Variants in TFAP2D observed in about 807,000 individuals in gnomAD.
TFAP2D encodes transcription factor AP-2-delta.
Under a neutral mutation model 43.6 loss-of-function variants are expected in TFAP2D, and 9 were observed. The observed-to-expected ratio is 0.21, with a 90% CI of 0.12 to 0.36. The LOEUF is 0.36. TFAP2D is among the 10% of genes least tolerant of loss of function. TFAP2D has a pLI of 1.00. For missense variants in TFAP2D, 513 were observed against 561.4 expected, an observed-to-expected ratio of 0.91 and a Z score of 0.87; for synonymous variants, 256 against 224.9, an observed-to-expected ratio of 1.14 and a Z score of -1.24.
intron 3 of TFAP2D, among the ~76,000 whole-genome samples, chr6:50,726,384 T>C (rs1768808305): frequency 6.6e-6 from 1 of 152,238 alleles, no homozygotes; most frequent in African/African-American, 2.4e-5. Flanking sequence ...TTCATACATA[T>C]ACTCAAACGC....
chr6:50,761,715 A>G (rs148972721), intron 7 of TFAP2D, among the ~76,000 whole-genome samples: 134 of 152,264 alleles, frequency 8.8e-4, no homozygotes, highest in African/African-American at 3.0e-3. Context: ...AAGGACAATT[A>G]GAATAATATG....
intron 7 of TFAP2D, among the ~76,000 whole-genome samples, 171 bp downstream of exon 7, chr6:50,751,495 A>G (rs1298741755): frequency 6.6e-6 from 1 of 151,976 alleles, no homozygotes; most frequent in Non-Finnish European, 1.5e-5. Context: ...AACAACAGAA[A>G]TATATTTTTT....
rs1768567319 is a variant in TFAP2D, at chr6:50,713,785, G to C, written c.-271G>C. ...ACTTCTATATTACCAAGGGACCTAC[G>C]ACATCAGCCAAAGAAATACTCAGCA... On this transcript the variant is annotated 5_prime_UTR_variant, in exon 1 of 8. Transcript: ENST00000008391. The C allele has an allele frequency of 1.8e-6, 1 of 548,448 alleles. No homozygotes were observed. Among genetic ancestry groups the C allele is most frequent in the African/African-American group, 1.9e-5 (1 of 51,756 alleles). 34.0% of individuals were successfully genotyped at this position (548,448 alleles called of 1,614,324 possible).
At chr6:50,742,282 C>G (rs1232536073) in intron 5 of TFAP2D, among the ~76,000 whole-genome samples, 1 of 151,826 alleles carries the variant, frequency 6.6e-6, no homozygotes, top group Non-Finnish European at 1.5e-5. Flanking sequence ...TGTTATATCA[C>G]AAGCAGGAGA....
At chr6:50,736,009 C>T (rs1399885823) in intron 5 of TFAP2D, among the ~76,000 whole-genome samples, 1 of 152,132 alleles carries the variant, frequency 6.6e-6, no homozygotes, top group Admixed American at 6.6e-5. Flanking sequence ...ATTGCTCTTA[C>T]ACAGGTACCA....
chr6:50,765,839 C>T (rs1274448455), intron 7 of TFAP2D, among the ~76,000 whole-genome samples: 1 of 151,936 alleles, frequency 6.6e-6, no homozygotes, highest in Non-Finnish European at 1.5e-5. Flanking sequence ...GTGATTGTTG[C>T]CTTTACTGTG....
At chr6:50,754,679 G>C (rs1268663926) in intron 7 of TFAP2D, among the ~76,000 whole-genome samples, 1 of 151,736 alleles carries the variant, frequency 6.6e-6, no homozygotes, top group African/African-American at 2.4e-5. Context: ...CATCCTAATG[G>C]GTATGAGGTG....
chr6:50,770,262 T>C (rs1018198875), intron 7 of TFAP2D, among the ~76,000 whole-genome samples: 6 of 152,180 alleles, frequency 3.9e-5, no homozygotes, highest in African/African-American at 1.4e-4. Flanking sequence ...AAATAGAGCT[T>C]AAATTATTTT....
chr6:50,755,229 C>A (rs961540321), intron 7 of TFAP2D, among the ~76,000 whole-genome samples: 9 of 151,760 alleles, frequency 5.9e-5, no homozygotes, highest in Non-Finnish European at 1.3e-4. Flanking sequence ...CAATTGAAAC[C>A]CAAAGTGAAG....
intron 7 of TFAP2D, among the ~76,000 whole-genome samples, chr6:50,768,273 C>CTTTTTTTTT (rs67686384): frequency 1.3e-5 from 1 of 77,274 alleles, no homozygotes; most frequent in East Asian, 4.0e-4. Context: ...TTCTAATTTT[C>CTTTTTTTTT]TTTTTTTTTT....
intron 7 of TFAP2D, among the ~76,000 whole-genome samples, chr6:50,753,541 G>T (rs1769226333): frequency 6.6e-6 from 1 of 151,752 alleles, no homozygotes; most frequent in African/African-American, 2.4e-5. Flanking sequence ...CAGAATATGG[G>T]AACAAGCTGG....
chr6:50,751,346 G>T, intron 7 of TFAP2D, 22 bp downstream of exon 7: 2 of 1,544,680 alleles, frequency 1.3e-6, no homozygotes, highest in Non-Finnish European at 1.8e-6. Flanking sequence ...TTTCCAGTTT[G>T]CTCAAATTCT....
chr6:50,734,225 G>A (rs1768932835), intron 5 of TFAP2D, among the ~76,000 whole-genome samples: 1 of 151,842 alleles, frequency 6.6e-6, no homozygotes, highest in Non-Finnish European at 1.5e-5. Flanking sequence ...TGTGCCACTT[G>A]CAAAATCTAT....
chr6:50,724,648 T>C (rs1161705119), intron 3 of TFAP2D, among the ~76,000 whole-genome samples: 3 of 152,020 alleles, frequency 2.0e-5, no homozygotes, highest in African/African-American at 7.2e-5. Context: ...CGCGGCTCCT[T>C]GGAGACAGCC....
intron 3 of TFAP2D, among the ~76,000 whole-genome samples, chr6:50,719,874 G>T (rs1768690955): frequency 6.6e-6 from 1 of 152,172 alleles, no homozygotes; most frequent in African/African-American, 2.4e-5. Flanking sequence ...AGAGGAGAGA[G>T]CTGTTGCTTT....
chr6:50,737,506 G>T (rs1393392764), intron 5 of TFAP2D, among the ~76,000 whole-genome samples: 1 of 152,110 alleles, frequency 6.6e-6, no homozygotes, highest in Non-Finnish European at 1.5e-5. Flanking sequence ...GGATTCAAAA[G>T]TTACAGAAAA....
intron 5 of TFAP2D, among the ~76,000 whole-genome samples, chr6:50,730,356 A>G (rs954098091): frequency 1.1e-4 from 16 of 152,260 alleles, no homozygotes; most frequent in African/African-American, 2.6e-4. Context: ...AATAATAACA[A>G]CCACAACAAT....
chr6:50,772,516 C>A, intron 7 of TFAP2D, 129 bp from the exon 8 acceptor site: 1 of 804,436 alleles, frequency 1.2e-6, no homozygotes, highest in Non-Finnish European at 2.0e-6. Context: ...TTCCACAATG[C>A]TTAGCATCAT....
chr6:50,728,507 G>C (rs867475340), intron 3 of TFAP2D, among the ~76,000 whole-genome samples: 12 of 152,184 alleles, frequency 7.9e-5, no homozygotes, highest in Admixed American at 3.3e-4. Context: ...GTAATACCTA[G>C]TCTTTGTGAG....
Sources: gnomAD v4.1 joint callset for allele counts (sites outside exome capture counted in the v4.1 genomes callset) on GRCh38, gnomAD v4.1.1 for gene constraint, MANE v1.5 for transcripts, NCBI Gene and HGNC (gene_info 2026-07-23, HGNC 2026-07-21) for gene names.